Variants in APBB1 observed in about 807,000 individuals in gnomAD.
APBB1 encodes amyloid beta precursor protein binding family B member 1, also known as adaptor protein FE65a2.
In APBB1, 22 loss-of-function variants were observed where a neutral mutation model predicts 78.4. The ratio of observed to expected loss-of-function variants is 0.28; its 90% confidence interval spans 0.20 to 0.40. APBB1 has a LOEUF of 0.40. Ranked by LOEUF, APBB1 falls within the 10% of genes least tolerant of loss-of-function variation. The pLI is 1.00. For missense variants in APBB1, 749 were observed against 932.4 expected (o/e 0.80, Z 2.56); for synonymous variants, 369 against 372.7 (o/e 0.99, Z 0.12).
At chr11:6,407,941 G>A (rs1272673477) in intron 2 of APBB1, among the ~76,000 whole-genome samples, 4 of 151,818 alleles carry the variant, frequency 2.6e-5, no homozygotes, top group Non-Finnish European at 4.4e-5. Flanking sequence ...CACCGCGCCC[G>A]GCTAATTTTT....
chr11:6,402,036 G>C (rs753996835), intron 8 of APBB1, 46 bp downstream of exon 8: 63 of 1,608,558 alleles, frequency 3.9e-5, no homozygotes, highest in Non-Finnish European at 5.1e-5. Context: ...GGAGGACTCT[G>C]ATGCTGGATG....
At chr11:6,406,201 CATCG>C (rs568833047) in intron 2 of APBB1, among the ~76,000 whole-genome samples, 159 of 152,342 alleles carry the variant, frequency 1.0e-3, no homozygotes, top group Non-Finnish European at 1.8e-3. Flanking sequence ...TTCACTCCTG[CATCG>C]ATTCATGCGA....
At chr11:6,413,750 C>T (rs934178091) in intron 1 of APBB1, among the ~76,000 whole-genome samples, 19 of 152,250 alleles carry the variant, frequency 1.2e-4, no homozygotes, top group African/African-American at 4.6e-4. Context: ...GGATTACAGG[C>T]GTGAGCCACC....
In APBB1 at chr11:6,405,426, C is replaced by T. The variant is rs899178049; in HGVS notation, c.722-1604G>A. On this transcript the variant is annotated intron_variant, in intron 2 of 14. Transcript: ENST00000609360. ...CTAGGCTGCAGCGTCTCCTCGGCAA[C>T]CGCAGCACCAGGACCGGCTGGGAGC... The T allele has an allele frequency of 6.1e-6, 6 of 987,272 alleles. No individual in the cohort carries two copies. In the African/African-American group the frequency reaches 8.7e-5, roughly 14 times the overall value. The allele number at this position is 987,272 out of a possible 1,614,324, so 61.2% of individuals were successfully genotyped here. A position where few individuals can be genotyped will look rare whatever the true frequency, so the allele number is the denominator to read the frequency against.
rs1237032459 is a variant in APBB1, at chr11:6,401,731, G to A, written c.1389-43C>T. The A allele has an allele frequency of 1.2e-6, 2 of 1,605,912 alleles. No homozygotes were observed. Among genetic ancestry groups the A allele is most frequent in the African/African-American group, 1.3e-5 (1 of 74,858 alleles). ...CCTCAGTGTCTCCCAGTACCATCCA[G>A]TGCTGAGCCTGGTCCCCACCCCACC... On this transcript the variant is annotated intron_variant, in intron 9 of 14. Transcript: ENST00000609360. The surrounding 1 kb of genome is among the most constrained non-coding windows in gnomAD (Gnocchi z 4.5).
intron 1 of APBB1, among the ~76,000 whole-genome samples, chr11:6,418,550 A>C (rs1292631750): frequency 6.6e-6 from 1 of 152,216 alleles, no homozygotes; most frequent in Non-Finnish European, 1.5e-5. Flanking sequence ...CTGGGGACAC[A>C]GCCGCCCCAG....
Position 6,395,572 on chromosome 11 carries a change from A to G in APBB1, c.2095T>C (p.Ser699Pro). 1 of 1,575,554 alleles carries G rather than the reference A, an allele frequency of 6.3e-7. No homozygotes were observed. The highest frequency in any genetic ancestry group is 8.6e-7 in the Non-Finnish European group (1 of 1,160,072). The change falls in exon 15 of 15, where the codon TCC (serine) becomes CCC (proline). Residue 699 changes from serine (S) to proline (P), a missense_variant. Transcript: ENST00000609360. The surrounding 1 kb of genome is among the most constrained non-coding windows in gnomAD (Gnocchi z 5.2). Reference sequence around the variant, plus strand: ...GCCCCCAGCCGTTTGGGCTTCAGGGAGCCCCACAGCGACTGAACACCCCTG... The same window carrying G: ...GCCCCCAGCCGTTTGGGCTTCAGGGGGCCCCACAGCGACTGAACACCCCTG... ...VRRGVQSLWG[S>P]LKPKRLGAHT...
Position 6,395,318 on chromosome 11 carries a change from C to G in APBB1, c.*216G>C, listed in dbSNP as rs1848149471. The G allele has an allele frequency of 2.2e-6, 1 of 461,748 alleles. No homozygotes were observed. Among genetic ancestry groups the G allele is most frequent in the Non-Finnish European group, 3.7e-6 (1 of 270,616 alleles). 28.6% of individuals were successfully genotyped at this position (461,748 alleles called of 1,614,324 possible). ...GGATGGAGAACCAGGGCTGGCCTTG[C>G]TTCCTGCTCCTCTTGTTACCACTCC... On this transcript the variant is annotated 3_prime_UTR_variant, in exon 15 of 15. Transcript: ENST00000609360. The surrounding 1 kb of genome is among the most constrained non-coding windows in gnomAD (Gnocchi z 5.2).
Position 6,403,357 on chromosome 11 carries a change from A to G in APBB1, c.1002T>C (p.Pro334=). ...CTGGGAAGGTCAACGTCCCCTCCTCAGGTTCCTTCAGTCCCAGCTCCATTG... is the reference window on the plus strand; with the variant it reads ...CTGGGAAGGTCAACGTCCCCTCCTCGGGTTCCTTCAGTCCCAGCTCCATTG... ...EAPMELGLKE[P]EEGTLTFPAQ... is the part of the protein sequence containing the mutation. The change falls in exon 5 of 15, where the codon CCT becomes CCC. Residue 334 remains proline (P), a synonymous_variant. Coordinates refer to ENST00000609360, the MANE Select transcript of APBB1 (RefSeq NM_001164.5). This position sits in a 1 kb window ranked among gnomAD's most constrained non-coding sequence, Gnocchi z 5.3. 1 of 1,614,054 alleles carries G rather than the reference A, an allele frequency of 6.2e-7. No homozygotes were observed. Among genetic ancestry groups the G allele is most frequent in the Non-Finnish European group, 8.5e-7 (1 of 1,179,978 alleles).
chr11:6,418,999 C>G lies in APBB1; in HGVS notation c.-29G>C. ...ACACCTCCTACCTGCGCGGTGAGGC[C>G]CCGGGCCCAGATGACGGAGGTGGCT... On this transcript the variant is annotated 5_prime_UTR_variant, in exon 1 of 15. Coordinates refer to ENST00000609360, the MANE Select transcript of APBB1 (RefSeq NM_001164.5). The G allele has an allele frequency of 2.5e-6, 1 of 393,246 alleles. No homozygotes were observed. Among genetic ancestry groups the G allele is most frequent in the Non-Finnish European group, 4.5e-6 (1 of 222,482 alleles). 24.4% of individuals were successfully genotyped at this position (393,246 alleles called of 1,614,324 possible). A position where few individuals can be genotyped will look rare whatever the true frequency, so the allele number is the denominator to read the frequency against.
At position 6,395,877 on chromosome 11, in the gene APBB1, A is replaced by C; in HGVS notation, c.1874T>G (p.Met625Arg). The change falls in exon 14 of 15, where the codon ATG (methionine) becomes AGG (arginine). Residue 625 changes from methionine to arginine, a missense_variant. Coordinates refer to ENST00000609360, the MANE Select transcript of APBB1 (RefSeq NM_001164.5). The surrounding 1 kb of genome is among the most constrained non-coding windows in gnomAD (Gnocchi z 5.2). Reference protein sequence around the residue: ...GRDVHTFAFIMAAGPASFCCH... With the variant: ...GRDVHTFAFIRAAGPASFCCH... ...GCAGAAGGAGGCTGGGCCGGCAGCC[A>C]TGATGAATGCAAACGTGTGGACATC... 3 of 1,614,106 alleles carry C rather than the reference A, an allele frequency of 1.9e-6. No individual in the cohort carries two copies. Among genetic ancestry groups the C allele is most frequent in the Non-Finnish European group, 2.5e-6 (3 of 1,180,014 alleles).
chr11:6,411,446 GCCT>G lies in APBB1; in HGVS notation c.-14-88_-14-86del. The G allele has an allele frequency of 8.0e-7, 1 of 1,250,356 alleles. No homozygotes were observed. Among genetic ancestry groups the G allele is most frequent in the Admixed American group, 2.4e-5 (1 of 41,262 alleles). 77.5% of individuals were successfully genotyped at this position (1,250,356 alleles called of 1,614,324 possible). A position where few individuals can be genotyped will look rare whatever the true frequency, so the allele number is the denominator to read the frequency against. ...CTTCTGCCCCAGGGCTATGCCCTGT[GCCT>G]CCTCATCTCCCTGCACTAAGCAGGC... On this transcript the variant is annotated intron_variant, in intron 1 of 14. Transcript: ENST00000609360. This position sits in a 1 kb window ranked among gnomAD's most constrained non-coding sequence, Gnocchi z 5.2.
At chr11:6,407,189 T>G (rs1479094748) in intron 2 of APBB1, among the ~76,000 whole-genome samples, 3 of 151,974 alleles carry the variant, frequency 2.0e-5, no homozygotes, top group Non-Finnish European at 4.4e-5. Flanking sequence ...TGTAAAAGAG[T>G]GACTTGGCCC....
intron 7 of APBB1, 157 bp downstream of exon 7, chr11:6,402,419 G>T: frequency 9.2e-7 from 1 of 1,092,280 alleles, no homozygotes; most frequent in Non-Finnish European, 1.3e-6. Context: ...CCAAGGTCCT[G>T]GCCTGGGGTC....
At chr11:6,412,804 G>A (rs1849005018) in intron 1 of APBB1, among the ~76,000 whole-genome samples, 1 of 152,154 alleles carries the variant, frequency 6.6e-6, no homozygotes, top group Admixed American at 6.5e-5. Flanking sequence ...TCCTCTGCCA[G>A]TGTCAGAAAA....
chr11:6,415,225 C>T (rs560703671), intron 1 of APBB1, among the ~76,000 whole-genome samples: 10 of 152,282 alleles, frequency 6.6e-5, no homozygotes, highest in Non-Finnish European at 1.3e-4. Context: ...GGGAGTTGGG[C>T]AGGGGCCTCG....
intron 12 of APBB1, among the ~76,000 whole-genome samples, chr11:6,399,423 A>C (rs1848385465): frequency 6.6e-6 from 1 of 152,164 alleles, no homozygotes; most frequent in South Asian, 2.1e-4. Flanking sequence ...ATAATCCACT[A>C]TCCAGAAGGT....
chr11:6,416,117 G>T (rs996174687), intron 1 of APBB1, among the ~76,000 whole-genome samples: 1 of 152,112 alleles, frequency 6.6e-6, no homozygotes, highest in Admixed American at 6.5e-5. Flanking sequence ...GCTCGTCTTG[G>T]TTGTCCTCCC....
chr11:6,412,311 C>T (rs371216716), intron 1 of APBB1, among the ~76,000 whole-genome samples: 1 of 152,154 alleles, frequency 6.6e-6, no homozygotes, highest in Non-Finnish European at 1.5e-5. Flanking sequence ...CACCACCACG[C>T]CCAGGTAATT....
Sources: allele counts gnomAD v4.1 joint callset (sites outside exome capture counted in the v4.1 genomes callset), GRCh38; gene constraint gnomAD v4.1.1; non-coding constraint Gnocchi (gnomAD v3.1); transcripts MANE v1.5; gene names NCBI Gene and HGNC (gene_info 2026-07-23, HGNC 2026-07-21).